SYTL2: variants seen among roughly 807,000 people sequenced by gnomAD.
The protein encoded by SYTL2 is synaptotagmin-like protein 2.
Under a neutral mutation model 198.7 loss-of-function variants are expected in SYTL2, and 165 were observed. The ratio of observed to expected loss-of-function variants is 0.83; its 90% confidence interval spans 0.73 to 0.94. SYTL2 has a LOEUF of 0.94. Ranked by LOEUF, SYTL2 falls within the 40% of genes least tolerant of loss-of-function variation. SYTL2 has a pLI of 0.00. For synonymous variants in SYTL2, 966 were observed against 917.7 expected (o/e 1.05, Z -0.95); for missense variants, 2,835 against 2,582.8 (o/e 1.10, Z -2.12).
the SYTL2 span, among the ~76,000 whole-genome samples, chr11:85,837,673 G>A: frequency 6.6e-6 from 1 of 152,114 alleles, no homozygotes; most frequent in African/African-American, 2.4e-5. Context: ...CAGGGTCTCT[G>A]GCTACTGCTA....
intron 17 of SYTL2, among the ~76,000 whole-genome samples, chr11:85,699,692 A>G (rs2083956188): frequency 6.6e-6 from 1 of 152,182 alleles, no homozygotes. Context: ...AAAGCATTTG[A>G]GTTTACAACC....
the SYTL2 span, among the ~76,000 whole-genome samples, chr11:85,850,518 A>C: frequency 2.6e-5 from 4 of 151,636 alleles, no homozygotes; most frequent in African/African-American, 9.7e-5. Context: ...TTAAAAAGTC[A>C]GGAAACAACA....
Position 85,734,262 on chromosome 11 carries a change from T to C in SYTL2, c.1067A>G (p.Glu356Gly), listed in dbSNP as rs2090121223. The change falls in exon 7 of 20, where the codon GAA becomes GGA. Residue 356 changes from glutamate to glycine, a missense_variant. This residue lies in a region of SYTL2 where 2,645 missense variants were observed against 2,381.7 expected (regional missense o/e 1.11). Transcript: ENST00000359152. ...TCTGTCAGATTCTAAAACACTAAAT[T>C]CTCCTACTTCCCGACCATGGATTAG... is the stretch of plus-strand genomic sequence containing the variant. ...PGLIHGREVG[E>G]FSVLESDRLK... is the part of the protein sequence containing the mutation. 6.2e-7 allele frequency: 1 copy of C among 1,614,110 alleles called. No homozygotes were observed. Among genetic ancestry groups the C allele is most frequent in the Non-Finnish European group, 8.5e-7 (1 of 1,180,000 alleles).
At chr11:85,819,137 T>C in the SYTL2 span, among the ~76,000 whole-genome samples, 1 of 152,242 alleles carries the variant, frequency 6.6e-6, no homozygotes, top group Non-Finnish European at 1.5e-5. Flanking sequence ...TCTCTAGTCA[T>C]AGATCTTATA....
At chr11:85,789,255 C>G (rs929993209) in intron 1 of SYTL2, among the ~76,000 whole-genome samples, 1 of 141,996 alleles carries the variant, frequency 7.0e-6, no homozygotes, top group African/African-American at 2.7e-5. Context: ...CACCACCATA[C>G]CTGGCTGATG....
upstream of SYTL2, among the ~76,000 whole-genome samples, chr11:85,811,358 G>A (rs1051186252): frequency 6.6e-6 from 1 of 150,678 alleles, no homozygotes; most frequent in African/African-American, 2.4e-5. Flanking sequence ...GCTTCTCTCC[G>A]GTTCCTAGCC....
intron 1 of SYTL2, among the ~76,000 whole-genome samples, chr11:85,774,102 T>C (rs2092409519): frequency 6.6e-6 from 1 of 152,190 alleles, no homozygotes; most frequent in Non-Finnish European, 1.5e-5. Flanking sequence ...CAAAAAGCCT[T>C]GTTCACTACT....
At position 85,736,565 on chromosome 11, in the gene SYTL2, T is replaced by C; in HGVS notation, c.522A>G (p.Ser174=). 2 of 1,609,452 alleles carry C rather than the reference T, an allele frequency of 1.2e-6. No individual in the cohort carries two copies. The highest frequency in any genetic ancestry group is 1.7e-6 in the Non-Finnish European group (2 of 1,176,554). Residue 174 remains serine (S), a synonymous_variant, in exon 6 of 20, where the codon TCA becomes TCG. Transcript: ENST00000359152. ...NSSKLPEGHS[S]QQTKNEQSKN... ...TTGACTGTTCATTTTTAGTTTGTTGTGATGAGTGACCTTCTGGCAACTTGG... is the reference window on the plus strand; with the variant it reads ...TTGACTGTTCATTTTTAGTTTGTTGCGATGAGTGACCTTCTGGCAACTTGG...
At position 85,726,622 on chromosome 11, in the gene SYTL2, T is replaced by G; in HGVS notation, c.2736A>C (p.Lys912Asn). 2 of 1,542,202 alleles carry G rather than the reference T, an allele frequency of 1.3e-6. No individual in the cohort carries two copies. Among genetic ancestry groups the G allele is most frequent in the Non-Finnish European group, 1.7e-6 (2 of 1,149,514 alleles). ...GCAAACTGTCTGCCACTTGTGATCT[T>G]TTTATAGGCTCATTTTTCTTATTCT... ...LFQNKKNEPIKRSQVADSLPS... is the reference protein window; with the variant it reads ...LFQNKKNEPINRSQVADSLPS... Residue 912 changes from lysine (K) to asparagine (N), a missense_variant, in exon 8 of 20, where the codon AAA becomes AAC. By Grantham distance (94) the Lys-to-Asn change is moderately conservative. Transcript: ENST00000359152.
intron 11 of SYTL2, chr11:85,715,111 T>A (rs970770148): frequency 1.3e-5 from 2 of 152,212 alleles, no homozygotes; most frequent in Admixed American, 6.5e-5. Context: ...ATTTTCAATA[T>A]CCCAAGGCAA....
chr11:85,732,749 A>G (rs2089941045), intron 7 of SYTL2, among the ~76,000 whole-genome samples: 1 of 152,220 alleles, frequency 6.6e-6, no homozygotes, highest in South Asian at 2.1e-4. Flanking sequence ...TATATTTAAA[A>G]AAAATTTTTT....
At chr11:85,753,175 CCATAAAAGACTAAAATTA>C (rs1164114220) in intron 2 of SYTL2, among the ~76,000 whole-genome samples, 1 of 151,846 alleles carries the variant, frequency 6.6e-6, no homozygotes, top group Non-Finnish European at 1.5e-5. Context: ...GATTTTCAAA[CCATAAAAGACTAAAATTA>C]CATATGTGTA....
intron 2 of SYTL2, among the ~76,000 whole-genome samples, chr11:85,749,461 AGC>A (rs977639533): frequency 1.3e-5 from 2 of 152,218 alleles, no homozygotes; most frequent in Non-Finnish European, 2.9e-5. Context: ...AGGTGGTAGC[AGC>A]GCTGCATGTA....
rs1411473570 is a variant in SYTL2, at chr11:85,771,159, G to A, written c.-389-13045C>T. Among the ~76,000 whole-genome samples, 13 of 152,192 alleles carry A rather than the reference G, an allele frequency of 8.5e-5. 1 individual carries two copies. The highest frequency in any genetic ancestry group is 2.7e-4 in the African/African-American group (11 of 41,442). ...GCCACACTGCACCTGATACATAGTA[G>A]TGGAAAAAAACATAAATAGTTACCA... On this transcript the variant is annotated intron_variant, in intron 1 of 19. Transcript: ENST00000359152.
the SYTL2 span, among the ~76,000 whole-genome samples, chr11:85,845,598 A>G: frequency 1.3e-5 from 2 of 152,096 alleles, no homozygotes; most frequent in Non-Finnish European, 2.9e-5. Flanking sequence ...CCTGGTCTCT[A>G]CAAAAAAAAA....
rs140350789 is a variant in SYTL2 at position 85,761,011 on chromosome 11, G to A, written c.-389-2897C>T. Among the ~76,000 whole-genome samples the A allele has an allele frequency of 3.3e-3, 510 of 152,270 alleles. 1 individual carries two copies. Among genetic ancestry groups the A allele is most frequent in the African/African-American group, 0.012 (493 of 41,554 alleles). On this transcript the variant is annotated intron_variant, in intron 1 of 19. Coordinates refer to ENST00000359152, the MANE Select transcript of SYTL2 (RefSeq NM_206927.4). ...ATTCTGGATGATGTCCAGCATGGGA[G>A]CTAACTGAACATTTCCCTCACTCAC...
At chr11:85,830,324 C>T in the SYTL2 span, among the ~76,000 whole-genome samples, 1 of 152,086 alleles carries the variant, frequency 6.6e-6, no homozygotes, top group Admixed American at 6.5e-5. Flanking sequence ...GCCAATTGTG[C>T]ACTTCATCAA....
At chr11:85,787,497 T>C (rs1177981515) in intron 1 of SYTL2, among the ~76,000 whole-genome samples, 1 of 151,990 alleles carries the variant, frequency 6.6e-6, no homozygotes, top group Non-Finnish European at 1.5e-5. Flanking sequence ...AGTGGCAAAG[T>C]AGTGTGGACA....
the SYTL2 span, among the ~76,000 whole-genome samples, chr11:85,846,732 C>CTT: frequency 3.1e-5 from 4 of 130,196 alleles, no homozygotes; most frequent in Non-Finnish European, 5.0e-5. Flanking sequence ...CAGGTTGAAA[C>CTT]TATTTTTTTT....
Sources: gnomAD v4.1 joint callset for allele counts (sites outside exome capture counted in the v4.1 genomes callset) on GRCh38, gnomAD v4.1.1 for gene constraint, gnomAD v4.1.1 regional missense constraint, MANE v1.5 for transcripts, NCBI Gene and HGNC (gene_info 2026-07-23, HGNC 2026-07-21) for gene names.